The following NLRP11 variants were observed in gnomAD, a reference collection of about 807,000 sequenced individuals.
NLRP11 encodes the protein NACHT, LRR and PYD domains-containing protein 11.
In NLRP11, 53 loss-of-function variants were observed where a neutral mutation model predicts 79.3. That is an observed-to-expected ratio of 0.67 (90% confidence interval 0.54 to 0.84). The LOEUF (loss-of-function observed/expected upper bound fraction) is 0.84, where lower values mean the gene tolerates loss of function less well. Among genes scored for constraint, NLRP11 ranks in the 40% least tolerant of loss-of-function variants. The pLI, the probability that NLRP11 is intolerant of heterozygous loss-of-function variation, is 0.00. For synonymous variants in NLRP11, 518 were observed against 462.6 expected (o/e 1.12, Z -1.54); for missense variants, 1,264 against 1,255.0 (o/e 1.01, Z -0.11).
At chr19:55,830,598 TAA>T (rs201476127) in intron 1 of NLRP11, among the ~76,000 whole-genome samples, 16 of 129,194 alleles carry the variant, frequency 1.2e-4, no homozygotes, top group East Asian at 2.4e-4. Context: ...CTTAGCTTCC[TAA>T]AAAAAAAAAA....
At position 55,809,313 on chromosome 19, in the gene NLRP11, C is replaced by T. The variant is rs186551716; in HGVS notation, c.1297G>A (p.Ala433Thr). 1.3e-4 allele frequency: 212 copies of T among 1,613,900 alleles called. 2 individuals are homozygous for T. In the South Asian group the frequency reaches 1.8e-3, roughly 13 times the overall value. Residue 433 changes from alanine to threonine, a missense_variant, in exon 3 of 10, where the codon GCG (alanine) becomes ACG (threonine). Transcript: ENST00000589093. The surrounding 1 kb of genome is among the most constrained non-coding windows in gnomAD (Gnocchi z 4.5). ...GTGTTGCTCGGCAAAAGAATATTCG[C>T]GGCCTGCAACACAGAGACATCAGCC...
chr19:55,802,906 G>A (rs1979621644), intron 4 of NLRP11, among the ~76,000 whole-genome samples: 1 of 152,168 alleles, frequency 6.6e-6, no homozygotes, highest in African/African-American at 2.4e-5. Flanking sequence ...ACAAAGACAA[G>A]CAGTGGAGAA....
chr19:55,791,352 A>C lies in NLRP11; in HGVS notation c.2513+949T>G, dbSNP rs930358849. On this transcript the variant is annotated intron_variant, in intron 7 of 9. Coordinates refer to ENST00000589093, the Ensembl canonical transcript of NLRP11. ...CTAAACTGCCTTGTCAAAGGAAGCA[A>C]GATTCTAGAAAGAAAAGATATCCCT... Among the ~76,000 whole-genome samples the C allele has an allele frequency of 8.5e-4, 129 of 152,334 alleles. 2 individuals carry two copies. Among genetic ancestry groups the C allele is most frequent in the Non-Finnish European group, 1.3e-3 (90 of 68,034 alleles).
upstream of NLRP11, among the ~76,000 whole-genome samples, chr19:55,832,475 G>A (rs1472498239): frequency 1.3e-5 from 2 of 152,166 alleles, no homozygotes; most frequent in African/African-American, 2.4e-5. Flanking sequence ...GCGGAGGCAC[G>A]TCCTAGATCC....
chr19:55,787,064 G>A (rs1362317044), intron 9 of NLRP11, among the ~76,000 whole-genome samples: 1 of 152,138 alleles, frequency 6.6e-6, no homozygotes, highest in Non-Finnish European at 1.5e-5. Context: ...GAGAAAAATT[G>A]GACATGAGTG....
At chr19:55,787,826 C>G (rs987025478) in intron 9 of NLRP11, among the ~76,000 whole-genome samples, 1 of 152,210 alleles carries the variant, frequency 6.6e-6, no homozygotes, top group African/African-American at 2.4e-5. Context: ...CTCTTCCAGC[C>G]AACAGCTCTC....
intron 1 of NLRP11, among the ~76,000 whole-genome samples, chr19:55,820,199 A>G (rs1981550019): frequency 6.6e-6 from 1 of 152,116 alleles, no homozygotes; most frequent in South Asian, 2.1e-4. Context: ...GAGCCTTTAA[A>G]TGCATGGTTG....
intron 4 of NLRP11, among the ~76,000 whole-genome samples, chr19:55,806,619 T>C (rs958654228): frequency 1.3e-5 from 2 of 152,162 alleles, no homozygotes; most frequent in African/African-American, 2.4e-5. Context: ...TGCTCCCCGA[T>C]TGGCCATTTT....
At chr19:55,810,420 GT>G in intron 2 of NLRP11, 82 bp from the exon 3 acceptor site, 1 of 1,278,362 alleles carries the variant, frequency 7.8e-7, no homozygotes, top group Non-Finnish European at 1.1e-6. Context: ...TTCTTTTCAT[GT>G]TTACAGTAAA....
At chr19:55,798,752 TCA>T (rs907468243) in intron 5 of NLRP11, among the ~76,000 whole-genome samples, 4 of 95,796 alleles carry the variant, frequency 4.2e-5, no homozygotes, top group Admixed American at 2.0e-4. Flanking sequence ...ACACACACAC[TCA>T]CACACACACA....
intron 2 of NLRP11, among the ~76,000 whole-genome samples, chr19:55,815,854 T>C (rs1981065338): frequency 6.6e-6 from 1 of 152,056 alleles, no homozygotes; most frequent in African/African-American, 2.4e-5. Context: ...GGGACAGGGG[T>C]ATGTGATAAG....
At chr19:55,822,566 C>T (rs559475707) in intron 1 of NLRP11, among the ~76,000 whole-genome samples, 1 of 151,908 alleles carries the variant, frequency 6.6e-6, no homozygotes, top group Non-Finnish European at 1.5e-5. Flanking sequence ...GCACCGTGCG[C>T]GAGCCGAAGC....
intron 4 of NLRP11, among the ~76,000 whole-genome samples, chr19:55,805,151 C>A (rs1979866061): frequency 6.6e-6 from 1 of 152,100 alleles, no homozygotes; most frequent in Admixed American, 6.5e-5. Flanking sequence ...CACCCCCAAC[C>A]CCGGAAGAAC....
At position 55,807,837 on chromosome 19, in the gene NLRP11, T is replaced by G. The variant is rs78156461; in HGVS notation, c.2003+16A>C. 3.8e-6 allele frequency: 6 copies of G among 1,569,710 alleles called. No homozygotes were observed. The highest frequency in any genetic ancestry group is 4.4e-6 in the Non-Finnish European group (5 of 1,148,478). On this transcript the variant is annotated intron_variant, in intron 4 of 9. Transcript: ENST00000589093. Reference sequence around the variant, plus strand: ...CCTAGGGGAACCTCTAAGGCAGAGGTTGATATAGTACTTACTTGAGTGTGC... The same window carrying G: ...CCTAGGGGAACCTCTAAGGCAGAGGGTGATATAGTACTTACTTGAGTGTGC...
intron 5 of NLRP11, chr19:55,798,429 T>C (rs1487221767): frequency 2.1e-5 from 13 of 611,548 alleles, no homozygotes; most frequent in East Asian, 2.8e-4. Flanking sequence ...AAATACCACA[T>C]GTTCTCACTT....
At chr19:55,785,841 G>C (rs1300451669) in exon 10 of NLRP11, 1 of 1,614,070 alleles carries the variant, frequency 6.2e-7, no homozygotes, top group South Asian at 1.1e-5. Flanking sequence ...GCAACTGCTG[G>C]GTTTGTGTGT....
At chr19:55,816,020 C>T (rs1033157719) in intron 2 of NLRP11, among the ~76,000 whole-genome samples, 3 of 152,222 alleles carry the variant, frequency 2.0e-5, no homozygotes, top group East Asian at 1.9e-4. Context: ...TGAGTCATAA[C>T]GATGAGTGAA....
intron 1 of NLRP11, among the ~76,000 whole-genome samples, chr19:55,820,671 A>C (rs368400110): frequency 1.3e-5 from 2 of 151,160 alleles, no homozygotes; most frequent in Non-Finnish European, 2.9e-5. Context: ...GTTTTTCAAA[A>C]ATGTCTTAAT....
At chr19:55,785,855 G>T (rs1488085273) in exon 10 of NLRP11, 1 of 1,613,292 alleles carries the variant, frequency 6.2e-7, no homozygotes, top group South Asian at 1.1e-5. Flanking sequence ...TGTGTGTTCA[G>T]GCCAGTTAAT....
Sources: gnomAD v4.1 joint callset for allele counts (sites outside exome capture counted in the v4.1 genomes callset) on GRCh38, gnomAD v4.1.1 for gene constraint, Gnocchi (gnomAD v3.1) non-coding constraint, MANE v1.5 for transcripts, NCBI Gene and HGNC (gene_info 2026-07-23, HGNC 2026-07-21) for gene names.